The following UBE2E2 variants were observed in gnomAD, a reference collection of about 807,000 sequenced individuals.
UBE2E2 encodes the protein ubiquitin-conjugating enzyme E2 E2.
A neutral mutation model predicts 24.7 loss-of-function variants in UBE2E2; 6 were observed. The ratio of observed to expected loss-of-function variants is 0.24; its 90% CI spans 0.13 to 0.48. UBE2E2 has a LOEUF of 0.48. UBE2E2 is among the 20% of genes least tolerant of loss of function. The pLI is 0.99. For missense variants in UBE2E2, 169 were observed against 245.0 expected (o/e 0.69, Z 2.07); for synonymous variants, 104 against 83.6 (o/e 1.24, Z -1.33).
At chr3:23,211,937 G>A (rs2063601024) in intron 2 of UBE2E2, among the ~76,000 whole-genome samples, 1 of 152,156 alleles carries the variant, frequency 6.6e-6, no homozygotes, top group Admixed American at 6.5e-5. Flanking sequence ...TGAGGTATAT[G>A]TTAACCTTGG....
intron 5 of UBE2E2, among the ~76,000 whole-genome samples, chr3:23,561,834 A>G (rs956525868): frequency 2.0e-5 from 3 of 152,296 alleles, no homozygotes; most frequent in South Asian, 2.1e-4. Context: ...CTCTGAAGCA[A>G]TTGTGAATGG....
At chr3:23,290,643 G>A (rs1698739069) in intron 3 of UBE2E2, among the ~76,000 whole-genome samples, 1 of 151,996 alleles carries the variant, frequency 6.6e-6, no homozygotes, top group Non-Finnish European at 1.5e-5. Context: ...CAAAGGACAA[G>A]CTTATCATAG....
intron 3 of UBE2E2, among the ~76,000 whole-genome samples, chr3:23,230,520 C>T (rs1414235064): frequency 1.3e-5 from 2 of 152,198 alleles, no homozygotes; most frequent in African/African-American, 4.8e-5. Flanking sequence ...CGCAGGGGCT[C>T]ATGCCTATAA....
intron 3 of UBE2E2, among the ~76,000 whole-genome samples, chr3:23,443,405 T>C (rs965165699): frequency 1.3e-5 from 2 of 152,210 alleles, no homozygotes; most frequent in Non-Finnish European, 2.9e-5. Context: ...GGATAAGCTA[T>C]TGTGGTACCT....
At chr3:23,570,125 A>T (rs924498335) in intron 5 of UBE2E2, among the ~76,000 whole-genome samples, 6 of 152,084 alleles carry the variant, frequency 3.9e-5, no homozygotes, top group Non-Finnish European at 8.8e-5. Flanking sequence ...ACTCCATCAA[A>T]ATGCGAGGAA....
chr3:23,414,202 A>G (rs918290672), intron 3 of UBE2E2, among the ~76,000 whole-genome samples: 1 of 152,200 alleles, frequency 6.6e-6, no homozygotes, highest in African/African-American at 2.4e-5. Flanking sequence ...TAAATCCTGT[A>G]ATTAACCTTA....
intron 3 of UBE2E2, among the ~76,000 whole-genome samples, chr3:23,355,304 C>T (rs536062446): frequency 4.5e-4 from 68 of 152,086 alleles, no homozygotes; most frequent in Middle Eastern, 6.8e-3. Flanking sequence ...GGGTGCAGCA[C>T]ACCAGCATGG....
chr3:23,239,216 G>A lies in UBE2E2; in HGVS notation c.227+21904G>A, dbSNP rs536891164. 4.6e-5 allele frequency among the ~76,000 whole-genome samples: 7 copies of A among 152,124 alleles called. No homozygotes were observed. The South Asian group carries it at 1.2e-3, about 27-fold the overall frequency. ...TCAATTATGGAACTACTAAGTTATC[G>A]AGGTAATAGGACTCTTGTCTCATGC... On this transcript the variant is annotated intron_variant, in intron 3 of 5. Transcript: ENST00000396703.
intron 3 of UBE2E2, among the ~76,000 whole-genome samples, chr3:23,443,840 C>G (rs1698361292): frequency 6.6e-6 from 1 of 152,130 alleles, no homozygotes; most frequent in Non-Finnish European, 1.5e-5. Flanking sequence ...TATGAGGCCT[C>G]CATTTTTGTG....
chr3:23,561,153 A>T (rs907196493), intron 5 of UBE2E2, among the ~76,000 whole-genome samples: 1 of 152,106 alleles, frequency 6.6e-6, no homozygotes, highest in East Asian at 1.9e-4. Flanking sequence ...CCCCATCCCT[A>T]TGTCCTGAAT....
At chr3:23,528,289 A>G (rs1695045488) in intron 4 of UBE2E2, among the ~76,000 whole-genome samples, 1 of 152,210 alleles carries the variant, frequency 6.6e-6, no homozygotes, top group Non-Finnish European at 1.5e-5. Context: ...AAATTGGTAC[A>G]TCTATTACTG....
intron 3 of UBE2E2, among the ~76,000 whole-genome samples, chr3:23,357,892 G>A (rs1230506280): frequency 2.0e-5 from 3 of 152,156 alleles, no homozygotes; most frequent in Non-Finnish European, 4.4e-5. Context: ...AGGCTGGCAT[G>A]CACTGGCACA....
intron 3 of UBE2E2, among the ~76,000 whole-genome samples, chr3:23,398,710 T>C (rs1378560429): frequency 6.6e-6 from 1 of 152,206 alleles, no homozygotes; most frequent in African/African-American, 2.4e-5. Flanking sequence ...TGTTAGAAAT[T>C]GTTTCTCTGC....
intron 3 of UBE2E2, among the ~76,000 whole-genome samples, chr3:23,261,158 G>A (rs2132145): frequency 0.73 from 111,228 of 151,780 alleles, 41,309 homozygotes; most frequent in African/African-American, 0.85. Flanking sequence ...TTGGTAAGCA[G>A]TGTAACTGTG....
At chr3:23,246,477 C>T (rs111851708) in intron 3 of UBE2E2, among the ~76,000 whole-genome samples, 6,395 of 149,586 alleles carry the variant, frequency 0.043, 488 homozygotes, top group African/African-American at 0.15. Flanking sequence ...CCTCATGATC[C>T]GCCCACCTCA....
intron 4 of UBE2E2, among the ~76,000 whole-genome samples, chr3:23,500,773 A>G (rs1699704339): frequency 6.6e-6 from 1 of 152,128 alleles, no homozygotes; most frequent in South Asian, 2.1e-4. Flanking sequence ...ACCAAAGCAA[A>G]AAGTAGTAGC....
chr3:23,557,471 G>A (rs1029513707), intron 5 of UBE2E2, among the ~76,000 whole-genome samples: 4 of 152,074 alleles, frequency 2.6e-5, no homozygotes, highest in African/African-American at 4.8e-5. Flanking sequence ...CCATTCCATC[G>A]CAGGACACAC....
At chr3:23,545,783 G>T (rs1695509021) in intron 5 of UBE2E2, among the ~76,000 whole-genome samples, 1 of 152,128 alleles carries the variant, frequency 6.6e-6, no homozygotes, top group African/African-American at 2.4e-5. Flanking sequence ...CAACCGATGA[G>T]TGGTTAAAGA....
At chr3:23,349,677 G>A (rs1020678748) in intron 3 of UBE2E2, among the ~76,000 whole-genome samples, 2 of 152,234 alleles carry the variant, frequency 1.3e-5, no homozygotes, top group Admixed American at 6.5e-5. Context: ...AGCGAGGCTA[G>A]GGGAGGGGCG....
Sources: allele counts gnomAD v4.1 joint callset (sites outside exome capture counted in the v4.1 genomes callset), GRCh38; gene constraint gnomAD v4.1.1; transcripts MANE v1.5; gene names NCBI Gene and HGNC (gene_info 2026-07-23, HGNC 2026-07-21).